Variants in MEI4 observed in about 807,000 individuals in gnomAD.
MEI4 encodes the protein meiosis-specific protein MEI4.
In MEI4, 27 loss-of-function variants were observed where a neutral mutation model predicts 31.4. The observed-to-expected ratio is 0.86, with a 90% CI of 0.63 to 1.19. MEI4 has a LOEUF of 1.19. MEI4 is among the 50% of genes most tolerant of loss of function. MEI4 has a pLI of 0.00. For synonymous variants in MEI4, 122 were observed against 145.4 expected, an observed-to-expected ratio of 0.84 and a Z score of 1.16; for missense variants, 329 against 398.9, an observed-to-expected ratio of 0.82 and a Z score of 1.49.
chr6:77,774,222 G>T (rs1768383959), intron 3 of MEI4, among the ~76,000 whole-genome samples: 1 of 152,064 alleles, frequency 6.6e-6, no homozygotes, highest in Non-Finnish European at 1.5e-5. Context: ...CATGTATACT[G>T]CAGCATTATT....
chr6:77,650,468 C>T (rs1475058656), upstream of MEI4, among the ~76,000 whole-genome samples: 2 of 152,234 alleles, frequency 1.3e-5, no homozygotes, highest in Non-Finnish European at 2.9e-5. Context: ...CTGGTGACCA[C>T]CTGCGGGGCA....
chr6:77,777,096 A>T (rs1768467665), intron 3 of MEI4, among the ~76,000 whole-genome samples: 1 of 152,166 alleles, frequency 6.6e-6, no homozygotes, highest in East Asian at 1.9e-4. Context: ...GAGGACACAA[A>T]TCTAAACTGG....
chr6:77,824,214 C>T (rs1246452592), intron 3 of MEI4, among the ~76,000 whole-genome samples: 3 of 152,098 alleles, frequency 2.0e-5, no homozygotes, highest in African/African-American at 7.2e-5. Flanking sequence ...CTTGGCCTCC[C>T]AAGTAGCTGG....
chr6:77,792,624 C>A (rs1768967307), intron 3 of MEI4, among the ~76,000 whole-genome samples: 1 of 151,850 alleles, frequency 6.6e-6, no homozygotes, highest in Admixed American at 6.6e-5. Flanking sequence ...ATGTTTAAAT[C>A]TTTAAGCAAT....
rs575440371 is a variant in MEI4 at position 77,788,608 on chromosome 6, AACAG to A, written c.768+26947_768+26950del. On this transcript the variant is annotated intron_variant, in intron 3 of 4. Coordinates refer to ENST00000684080, the MANE Select transcript of MEI4 (RefSeq NM_001322247.2). ...ATCACAAGCATTCTTATACACCAAG[AACAG>A]ACAAACAGAGAGCCGAATCATGAGT... Among the ~76,000 whole-genome samples, 1,385 of 152,232 alleles carry A rather than the reference AACAG, an allele frequency of 9.1e-3. 16 individuals carry two copies. Among genetic ancestry groups the A allele is most frequent in the African/African-American group, 0.031 (1,281 of 41,524 alleles).
intron 2 of MEI4, among the ~76,000 whole-genome samples, chr6:77,713,085 T>A (rs1766503537): frequency 6.6e-6 from 1 of 152,132 alleles, no homozygotes; most frequent in African/African-American, 2.4e-5. Flanking sequence ...AAAAAGTGGC[T>A]TTTAGAGTCA....
rs1047491561 is a variant in MEI4, at chr6:77,736,782, A to G, written c.233-24348A>G. On this transcript the variant is annotated intron_variant, in intron 2 of 4. Coordinates refer to ENST00000684080, the MANE Select transcript of MEI4 (RefSeq NM_001322247.2). ...AAGATTACATCATTAATTGTACCCA[A>G]TGAGACCCTGTAGTCCAGAGAAAGA... Among the ~76,000 whole-genome samples the G allele has an allele frequency of 1.8e-4, 27 of 152,094 alleles. 1 individual carries two copies. The highest frequency in any genetic ancestry group is 3.9e-4 in the African/African-American group (16 of 41,342).
intron 4 of MEI4, among the ~76,000 whole-genome samples, chr6:77,901,290 T>C (rs1211654674): frequency 6.6e-6 from 1 of 151,978 alleles, no homozygotes; most frequent in Non-Finnish European, 1.5e-5. Flanking sequence ...TTTAGAGGCA[T>C]CTCTGTTTTC....
At chr6:77,737,026 G>T (rs9350721) in intron 2 of MEI4, among the ~76,000 whole-genome samples, 20,952 of 152,142 alleles carry the variant, frequency 0.14, 1,527 homozygotes, top group Middle Eastern at 0.21. Flanking sequence ...ATGAGGAGGT[G>T]TTCTAGAAAA....
intron 2 of MEI4, among the ~76,000 whole-genome samples, chr6:77,727,098 A>G (rs906783872): frequency 6.6e-6 from 1 of 152,194 alleles, no homozygotes; most frequent in African/African-American, 2.4e-5. Flanking sequence ...TGATACCTCC[A>G]CAAAAACGGG....
chr6:77,655,103 T>G (rs552839927), intron 1 of MEI4, among the ~76,000 whole-genome samples: 1 of 152,244 alleles, frequency 6.6e-6, no homozygotes, highest in Non-Finnish European at 1.5e-5. Flanking sequence ...CCCCTCCCTG[T>G]GTCCATGTGT....
At chr6:77,783,448 G>A (rs1768646909) in intron 3 of MEI4, among the ~76,000 whole-genome samples, 1 of 152,162 alleles carries the variant, frequency 6.6e-6, no homozygotes, top group Non-Finnish European at 1.5e-5. Flanking sequence ...CTACATGACT[G>A]TAATAACTTC....
chr6:77,779,550 G>C (rs923928743), intron 3 of MEI4, among the ~76,000 whole-genome samples: 1 of 152,154 alleles, frequency 6.6e-6, no homozygotes. Context: ...GTGTATAAAA[G>C]TTATCATATT....
intron 3 of MEI4, among the ~76,000 whole-genome samples, chr6:77,800,763 T>C (rs555836565): frequency 3.9e-5 from 6 of 152,246 alleles, no homozygotes; most frequent in African/African-American, 1.2e-4. Context: ...GTGGTTTTTT[T>C]CATTGGTTCT....
intron 4 of MEI4, among the ~76,000 whole-genome samples, chr6:77,904,857 T>C (rs1482090981): frequency 6.6e-6 from 1 of 152,188 alleles, no homozygotes. Context: ...TGTGTACCCT[T>C]GAACAGATTA....
intron 4 of MEI4, among the ~76,000 whole-genome samples, chr6:77,911,768 G>A (rs972627297): frequency 6.7e-6 from 1 of 148,634 alleles, no homozygotes; most frequent in Non-Finnish European, 1.5e-5. Flanking sequence ...TCTTTATCCA[G>A]TCCACTGTTG....
intron 2 of MEI4, among the ~76,000 whole-genome samples, chr6:77,745,339 A>C (rs1169669040): frequency 6.6e-6 from 1 of 152,188 alleles, no homozygotes; most frequent in Non-Finnish European, 1.5e-5. Context: ...GATAAAACAG[A>C]CTTTAAACCA....
At chr6:77,878,619 A>C (rs565103465) in intron 4 of MEI4, among the ~76,000 whole-genome samples, 3 of 146,736 alleles carry the variant, frequency 2.0e-5, no homozygotes, top group Non-Finnish European at 4.5e-5. Context: ...TGACCTGTAG[A>C]TATTTGTTCA....
intron 3 of MEI4, among the ~76,000 whole-genome samples, chr6:77,823,167 A>AATAATTATGTAATTATTTT (rs1334111238): frequency 2.0e-4 from 30 of 152,276 alleles, no homozygotes; most frequent in Admixed American, 1.9e-3. Flanking sequence ...TTATTTTTAA[A>AATAATTATGTAATTATTTT]ACAACATTTT....
Sources: allele counts gnomAD v4.1 joint callset (sites outside exome capture counted in the v4.1 genomes callset), GRCh38; gene constraint gnomAD v4.1.1; transcripts MANE v1.5; gene names NCBI Gene and HGNC (gene_info 2026-07-23, HGNC 2026-07-21).